The following PRKCH variants were observed in gnomAD, a reference collection of about 807,000 sequenced individuals.
The protein encoded by PRKCH is protein kinase C eta type.
In PRKCH, 28 loss-of-function variants were observed where a neutral mutation model predicts 82.5. The observed-to-expected ratio is 0.34, with a 90% confidence interval of 0.25 to 0.47. The LOEUF (loss-of-function observed/expected upper bound fraction) is 0.47, where lower values mean the gene tolerates loss of function less well. Among genes scored for constraint, PRKCH ranks in the 20% least tolerant of loss-of-function variants. The pLI is 1.00. For synonymous variants in PRKCH, 322 were observed against 327.4 expected (o/e 0.98, Z 0.18); for missense variants, 705 against 881.8 (o/e 0.80, Z 2.54).
chr14:61,323,696 C>A (rs1326476600), intron 1 of PRKCH, among the ~76,000 whole-genome samples: 1 of 152,174 alleles, frequency 6.6e-6, no homozygotes, highest in Non-Finnish European at 1.5e-5. Flanking sequence ...TAATGACTAA[C>A]CTTAATCGTC....
chr14:61,352,451 G>A (rs1428208054), intron 1 of PRKCH, among the ~76,000 whole-genome samples: 3 of 151,792 alleles, frequency 2.0e-5, no homozygotes, highest in Non-Finnish European at 4.4e-5. Context: ...TCATTTGAGG[G>A]CAGGGGTTCA....
At chr14:61,436,696 C>G (rs569197480) in intron 2 of PRKCH, among the ~76,000 whole-genome samples, 8 of 152,154 alleles carry the variant, frequency 5.3e-5, no homozygotes, top group Non-Finnish European at 1.2e-4. Flanking sequence ...CCAGGCCTGG[C>G]TAATTTTTGT....
chr14:61,523,198 C>G (rs1481399749), intron 10 of PRKCH, among the ~76,000 whole-genome samples: 2 of 152,226 alleles, frequency 1.3e-5, no homozygotes, highest in Non-Finnish European at 2.9e-5. Context: ...TGTGCACTCC[C>G]CTATGCCTGT....
At chr14:61,294,808 A>G (rs576922925) in intron 1 of PRKCH, among the ~76,000 whole-genome samples, 2 of 152,228 alleles carry the variant, frequency 1.3e-5, no homozygotes, top group African/African-American at 2.4e-5. Flanking sequence ...AAATATCAGT[A>G]TATATCTCTT....
chr14:61,441,413 C>A (rs1883967293), intron 2 of PRKCH, among the ~76,000 whole-genome samples: 1 of 152,146 alleles, frequency 6.6e-6, no homozygotes, highest in South Asian at 2.1e-4. Flanking sequence ...ATGGGGATGC[C>A]TGTTTCACCT....
intron 1 of PRKCH, among the ~76,000 whole-genome samples, chr14:61,203,388 T>G (rs1217175305): frequency 6.6e-6 from 1 of 152,082 alleles, no homozygotes; most frequent in African/African-American, 2.4e-5. Context: ...CCCAAAGTGC[T>G]GGGAAAGCCA....
At chr14:61,194,403 A>G (rs10142701) in intron 1 of PRKCH, among the ~76,000 whole-genome samples, 5,382 of 152,282 alleles carry the variant, frequency 0.035, 251 homozygotes, top group African/African-American at 0.1. Context: ...TAGCACTCTC[A>G]TGAGTGGGAT....
intron 12 of PRKCH, among the ~76,000 whole-genome samples, chr14:61,539,696 G>A (rs2043157461): frequency 6.6e-6 from 1 of 151,906 alleles, no homozygotes; most frequent in African/African-American, 2.4e-5. Flanking sequence ...TCTTCAAAAT[G>A]CCAGCTTTTT....
intron 1 of PRKCH, among the ~76,000 whole-genome samples, chr14:61,357,129 A>T (rs1424362304): frequency 6.6e-6 from 1 of 152,226 alleles, no homozygotes; most frequent in Non-Finnish European, 1.5e-5. Flanking sequence ...ATATCTGCAC[A>T]TCTGCCATCT....
chr14:61,438,268 C>G (rs901581496), intron 2 of PRKCH, among the ~76,000 whole-genome samples: 1 of 152,100 alleles, frequency 6.6e-6, no homozygotes, highest in Non-Finnish European at 1.5e-5. Context: ...CTCAGTGTAG[C>G]CCCCTTAAAG....
intron 1 of PRKCH, among the ~76,000 whole-genome samples, chr14:61,333,223 C>T (rs758954815): frequency 6.6e-6 from 1 of 152,124 alleles, no homozygotes; most frequent in South Asian, 2.1e-4. Flanking sequence ...AAACTGTTGT[C>T]GAGCCCTAGA....
At chr14:61,372,637 A>T (rs8008859) in intron 1 of PRKCH, among the ~76,000 whole-genome samples, 3,106 of 152,084 alleles carry the variant, frequency 0.02, 139 homozygotes, top group African/African-American at 0.071. Context: ...TTGCCCTTAG[A>T]TCTAGAGTCC....
At chr14:61,358,329 A>G (rs2140157741) in intron 1 of PRKCH, among the ~76,000 whole-genome samples, 1 of 152,318 alleles carries the variant, frequency 6.6e-6, no homozygotes, top group South Asian at 2.1e-4. Flanking sequence ...TCATCCACGG[A>G]GACATCCAAG....
chr14:61,497,226 G>A (rs1421570211), intron 10 of PRKCH, among the ~76,000 whole-genome samples: 1 of 152,132 alleles, frequency 6.6e-6, no homozygotes, highest in Non-Finnish European at 1.5e-5. Flanking sequence ...TCCAGTCTTG[G>A]TTCTGCCACT....
intron 1 of PRKCH, among the ~76,000 whole-genome samples, chr14:61,228,412 T>C (rs2140057513): frequency 6.6e-6 from 1 of 152,270 alleles, no homozygotes; most frequent in South Asian, 2.1e-4. Flanking sequence ...TCCCTCCTCA[T>C]AGCAAGTTCC....
intron 2 of PRKCH, among the ~76,000 whole-genome samples, chr14:61,436,858 C>A (rs926017138): frequency 2.0e-5 from 3 of 152,212 alleles, no homozygotes; most frequent in African/African-American, 4.8e-5. Flanking sequence ...ATACCAAAAC[C>A]TTTTGTTGCA....
intron 1 of PRKCH, among the ~76,000 whole-genome samples, chr14:61,260,380 G>A (rs1252624538): frequency 1.3e-5 from 2 of 152,124 alleles, no homozygotes; most frequent in Non-Finnish European, 2.9e-5. Context: ...GAGTGAAACT[G>A]AATAAATTCT....
chr14:61,547,925 C>T (rs1430412922), intron 13 of PRKCH, 39 bp downstream of exon 13: 4 of 1,599,982 alleles, frequency 2.5e-6, no homozygotes, highest in Non-Finnish European at 3.4e-6. Flanking sequence ...TTCCTTTCTT[C>T]AGATGTCACA....
At chr14:61,513,254 G>A (rs537273172) in intron 10 of PRKCH, among the ~76,000 whole-genome samples, 2 of 152,330 alleles carry the variant, frequency 1.3e-5, no homozygotes, top group East Asian at 3.9e-4. Context: ...CTCAGAGCTT[G>A]TTCAGTTCAG....
Sources: allele counts gnomAD v4.1 joint callset (sites outside exome capture counted in the v4.1 genomes callset), GRCh38; gene constraint gnomAD v4.1.1; transcripts MANE v1.5; gene names NCBI Gene and HGNC (gene_info 2026-07-23, HGNC 2026-07-21).